The following ABR variants were observed in gnomAD, a reference collection of about 807,000 sequenced individuals.
ABR encodes the protein active breakpoint cluster region-related protein.
In ABR, 35 loss-of-function variants were observed where a neutral mutation model predicts 107.2. The ratio of observed to expected loss-of-function variants is 0.33; its 90% CI spans 0.25 to 0.43. ABR has a LOEUF of 0.43. Among genes scored for constraint, ABR ranks in the 20% least tolerant of loss-of-function variants. The pLI is 1.00. For synonymous variants in ABR, 498 were observed against 462.0 expected (o/e 1.08, Z -1.00); for missense variants, 815 against 1,115.2 (o/e 0.73, Z 3.83).
At chr17:1,022,837 C>T (rs1349297905) in intron 16 of ABR, among the ~76,000 whole-genome samples, 1 of 152,274 alleles carries the variant, frequency 6.6e-6, no homozygotes, top group Non-Finnish European at 1.5e-5. Flanking sequence ...CGGCTGGCTT[C>T]CCCTCCAACA....
chr17:1,065,805 G>A (rs1243832805), intron 10 of ABR, among the ~76,000 whole-genome samples: 2 of 141,852 alleles, frequency 1.4e-5, no homozygotes, highest in Non-Finnish European at 3.0e-5. Flanking sequence ...GAGTGCAGCA[G>A]CGGAATCTCA....
intron 16 of ABR, 127 bp downstream of exon 16, chr17:1,049,923 G>T: frequency 7.5e-7 from 1 of 1,337,642 alleles, no homozygotes; most frequent in South Asian, 1.4e-5. Context: ...ACCACCTCCT[G>T]GGAACTTTCC....
chr17:1,184,899 A>G (rs534502836), upstream of ABR: 43 of 152,288 alleles, frequency 2.8e-4, no homozygotes, highest in African/African-American at 1.0e-3. Context: ...TAATCCTTAC[A>G]ATAAGCCAAT....
intron 17 of ABR, 78 bp downstream of exon 17, chr17:1,013,027 A>G (rs1473102886): frequency 3.3e-6 from 5 of 1,535,870 alleles, no homozygotes; most frequent in Non-Finnish European, 4.5e-6. Context: ...GAGCAGCCAC[A>G]GGGCCGGGCT....
At chr17:1,141,679 T>A (rs1191907564) in intron 1 of ABR, among the ~76,000 whole-genome samples, 1 of 152,110 alleles carries the variant, frequency 6.6e-6, no homozygotes, top group Non-Finnish European at 1.5e-5. Context: ...GAGTTAAGAC[T>A]ACAGCAAGCT....
At chr17:1,060,036 G>C (rs553603994) in intron 10 of ABR, among the ~76,000 whole-genome samples, 1 of 152,354 alleles carries the variant, frequency 6.6e-6, no homozygotes, top group Non-Finnish European at 1.5e-5. Flanking sequence ...TGCCTGCTAA[G>C]AGCGAAGAAT....
chr17:1,035,303 C>A (rs1159901047), intron 16 of ABR, among the ~76,000 whole-genome samples: 2 of 150,670 alleles, frequency 1.3e-5, no homozygotes, highest in Non-Finnish European at 3.0e-5. Context: ...AGGGGCCACT[C>A]TCCTTCCTCC....
In ABR at chr17:1,071,440, C is replaced by A. The variant is rs754097010; in HGVS notation, c.894+1174G>T. On this transcript the variant is annotated intron_variant, in intron 8 of 22. Transcript: ENST00000302538. The surrounding 1 kb of genome is among the most constrained non-coding windows in gnomAD (Gnocchi z 5.1). ...CTAATGGCCTCCCCTGGACAGGAAGCCTTTCACCCGGGCCCGGCTGCCAAT... is the reference window on the plus strand; with the variant it reads ...CTAATGGCCTCCCCTGGACAGGAAGACTTTCACCCGGGCCCGGCTGCCAAT... Among the ~76,000 whole-genome samples the A allele has an allele frequency of 1.5e-4, 23 of 152,206 alleles. No homozygotes were observed. The highest frequency in any genetic ancestry group is 1.3e-4 in the Non-Finnish European group (9 of 68,046).
intron 10 of ABR, among the ~76,000 whole-genome samples, chr17:1,065,900 C>T (rs1009054136): frequency 5.3e-5 from 8 of 152,082 alleles, no homozygotes; most frequent in African/African-American, 1.7e-4. Flanking sequence ...CGGAAGCCAC[C>T]ACGCCAGGCT....
intron 6 of ABR, 104 bp from the exon 7 acceptor site, chr17:1,073,781 A>T: frequency 9.6e-7 from 1 of 1,037,188 alleles, no homozygotes; most frequent in Non-Finnish European, 1.4e-6. Flanking sequence ...TCCCACGTGA[A>T]CACCCCTCGA....
chr17:1,051,209 G>T lies in ABR; in HGVS notation c.1562-575C>A, dbSNP rs139051998. On this transcript the variant is annotated intron_variant, in intron 14 of 22. Coordinates refer to ENST00000302538, the MANE Select transcript of ABR (RefSeq NM_021962.5). The surrounding 1 kb of genome is among the most constrained non-coding windows in gnomAD (Gnocchi z 4.3). Reference sequence around the variant, plus strand: ...AGCCCAGGGTGCTGTGGTTTCCTCCGCTGCACTTAACATAAACCAAAGGGA... The same window carrying T: ...AGCCCAGGGTGCTGTGGTTTCCTCCTCTGCACTTAACATAAACCAAAGGGA... Among the ~76,000 whole-genome samples the T allele has an allele frequency of 3.8e-3, 583 of 152,200 alleles. 8 individuals carry two copies. Among genetic ancestry groups the T allele is most frequent in the African/African-American group, 0.014 (561 of 41,530 alleles).
rs1017468641 is a variant in ABR, at chr17:1,070,531, G to T, written c.895-441C>A. Among the ~76,000 whole-genome samples the T allele has an allele frequency of 1.3e-5, 2 of 152,002 alleles. No homozygotes were observed. Among genetic ancestry groups the T allele is most frequent in the African/African-American group, 4.8e-5 (2 of 41,382 alleles). ...AACATCCCCGTTTGCAATCCCTCCCGACCGCGGCGGCGAACTTCATCTAGC... is the reference window on the plus strand; with the variant it reads ...AACATCCCCGTTTGCAATCCCTCCCTACCGCGGCGGCGAACTTCATCTAGC... On this transcript the variant is annotated intron_variant, in intron 8 of 22. Transcript: ENST00000302538. The surrounding 1 kb of genome is among the most constrained non-coding windows in gnomAD (Gnocchi z 4.2).
chr17:1,228,903 C>G (rs1042992103), exon 1 of ABR: 4 of 151,604 alleles, frequency 2.6e-5, no homozygotes, highest in Non-Finnish European at 5.9e-5. Context: ...GAACCTGCGG[C>G]GCCGCCACGG....
In ABR at chr17:1,108,903, C is replaced by T. The variant is rs547570330; in HGVS notation, c.247-8168G>A. ...CCTTCGGCAGCGCCGGCCCGGCCCC[C>T]CCCAGCGCCCAGGGCGTGTCACGCT... On this transcript the variant is annotated intron_variant, in intron 2 of 22. Coordinates refer to ENST00000302538, the MANE Select transcript of ABR (RefSeq NM_021962.5). 9.0e-6 allele frequency: 14 copies of T among 1,563,264 alleles called. No homozygotes were observed. The South Asian group carries it at 1.2e-4, about 13-fold the overall frequency.
At chr17:1,081,805 G>A (rs2036254964) in intron 5 of ABR, among the ~76,000 whole-genome samples, 1 of 151,954 alleles carries the variant, frequency 6.6e-6, no homozygotes, top group Admixed American at 6.6e-5. Flanking sequence ...TCAAACTCCT[G>A]ACCTCAGGTG....
At chr17:1,042,951 T>C (rs1227042939) in intron 16 of ABR, among the ~76,000 whole-genome samples, 1 of 152,122 alleles carries the variant, frequency 6.6e-6, no homozygotes, top group East Asian at 1.9e-4. Flanking sequence ...GGAGGACAAA[T>C]GCTGTCTGAT....
At chr17:1,018,289 A>G (rs534703749) in intron 16 of ABR, among the ~76,000 whole-genome samples, 2,555 of 151,918 alleles carry the variant, frequency 0.017, 37 homozygotes, top group African/African-American at 0.034. Context: ...TGATTCGCCC[A>G]CCTCGGCCTC....
chr17:1,124,114 A>G (rs1029547852), intron 2 of ABR, among the ~76,000 whole-genome samples: 3 of 152,112 alleles, frequency 2.0e-5, no homozygotes, highest in African/African-American at 7.2e-5. Flanking sequence ...GCCAAAGGCT[A>G]TAACAGCCAC....
intron 1 of ABR, among the ~76,000 whole-genome samples, chr17:1,149,510 C>G (rs1340375862): frequency 1.3e-5 from 2 of 151,804 alleles, no homozygotes; most frequent in African/African-American, 4.8e-5. Context: ...TTCCACCTCC[C>G]GGGTTCAAGA....
Sources: allele counts gnomAD v4.1 joint callset (sites outside exome capture counted in the v4.1 genomes callset), GRCh38; gene constraint gnomAD v4.1.1; non-coding constraint Gnocchi (gnomAD v3.1); transcripts MANE v1.5; gene names NCBI Gene and HGNC (gene_info 2026-07-23, HGNC 2026-07-21).